DNAH14: variants seen among roughly 807,000 people sequenced by gnomAD.
DNAH14 encodes dynein axonemal heavy chain 14.
In DNAH14, 478 loss-of-function variants were observed where a neutral mutation model predicts 520.9. The ratio of observed to expected loss-of-function variants is 0.92; its 90% CI spans 0.85 to 0.99. The LOEUF (loss-of-function observed/expected upper bound fraction) is 0.99. Ranked by LOEUF, DNAH14 falls within the 50% of genes least tolerant of loss-of-function variation. DNAH14 has a pLI of 0.00. For synonymous variants in DNAH14, 1,581 were observed against 1,757.2 expected, an observed-to-expected ratio of 0.90 and a Z score of 2.51; for missense variants, 4,831 against 5,234.5, an observed-to-expected ratio of 0.92 and a Z score of 2.38.
intron 68 of DNAH14, 26 bp from the exon 69 acceptor site, chr1:225,340,431 A>G (rs1317999512): frequency 2.0e-6 from 3 of 1,503,998 alleles, no homozygotes; most frequent in Admixed American, 2.2e-5. Flanking sequence ...TGTTCTTTGA[A>G]TAACTGGTGC....
Position 225,159,495 on chromosome 1 carries a change from C to A in DNAH14, c.5445+10C>A. On this transcript the variant is annotated intron_variant, in intron 35 of 85. Transcript: ENST00000682510. ...TCAACTTGCCTTGGAGGTAAAAAGA[C>A]CTTTGAAAATCATCACCAATTATTT... The A allele has an allele frequency of 6.7e-7, 1 of 1,496,750 alleles. No individual in the cohort carries two copies. The highest frequency in any genetic ancestry group is 8.9e-7 in the Non-Finnish European group (1 of 1,124,216). 92.7% of individuals were successfully genotyped at this position (1,496,750 alleles called of 1,614,324 possible). A position where few individuals can be genotyped will look rare whatever the true frequency, so the allele number is the denominator to read the frequency against.
At chr1:225,107,166 T>C (rs2076130261) in intron 23 of DNAH14, among the ~76,000 whole-genome samples, 1 of 152,190 alleles carries the variant, frequency 6.6e-6, no homozygotes, top group Admixed American at 6.5e-5. Context: ...TGCCTGGGTA[T>C]CAGCAGCGGA....
chr1:225,243,469 T>C (rs1414164646), intron 43 of DNAH14, among the ~76,000 whole-genome samples: 4 of 151,960 alleles, frequency 2.6e-5, no homozygotes, highest in African/African-American at 7.2e-5. Flanking sequence ...GTTAAGGAAA[T>C]ATACCACCAA....
intron 49 of DNAH14, among the ~76,000 whole-genome samples, chr1:225,269,016 G>T: frequency 6.6e-6 from 1 of 152,134 alleles, no homozygotes; most frequent in Non-Finnish European, 1.5e-5. Flanking sequence ...AGCCTGCATT[G>T]CCAAGACAAT....
Position 225,159,502 on chromosome 1 carries a change from A to G in DNAH14, c.5445+17A>G. On this transcript the variant is annotated intron_variant, in intron 35 of 85. Coordinates refer to ENST00000682510, the MANE Select transcript of DNAH14 (RefSeq NM_001367479.1). ...GCCTTGGAGGTAAAAAGACCTTTGA[A>G]AATCATCACCAATTATTTGGATGTG... The G allele has an allele frequency of 6.7e-7, 1 of 1,495,136 alleles. No homozygotes were observed. Among genetic ancestry groups the G allele is most frequent in the South Asian group, 1.3e-5 (1 of 74,918 alleles). 92.6% of individuals were successfully genotyped at this position (1,495,136 alleles called of 1,614,324 possible). A position where few individuals can be genotyped will look rare whatever the true frequency, so the allele number is the denominator to read the frequency against.
chr1:225,382,721 A>T (rs1473717623), intron 81 of DNAH14, among the ~76,000 whole-genome samples: 2 of 152,134 alleles, frequency 1.3e-5, no homozygotes, highest in Admixed American at 6.5e-5. Context: ...CTCAAAAAAA[A>T]AAAAAGTCCA....
Position 225,338,047 on chromosome 1 carries a change from AT to A in DNAH14, c.10312-12del. 2 of 1,484,964 alleles carry A rather than the reference AT, an allele frequency of 1.3e-6. No homozygotes were observed. Among genetic ancestry groups the A allele is most frequent in the Middle Eastern group, 1.8e-4 (1 of 5,642 alleles). The allele number at this position is 1,484,964 out of a possible 1,614,324, so 92.0% of individuals were successfully genotyped here. A position where few individuals can be genotyped will look rare whatever the true frequency, so the allele number is the denominator to read the frequency against. ...AAGATGATTTTTCTTATTTTTGTCT[AT>A]TGGGTTTTTCAGAATCTCCTTGAGA... On this transcript the variant is annotated splice_polypyrimidine_tract_variant and intron_variant, in intron 67 of 85. Coordinates refer to ENST00000682510, the MANE Select transcript of DNAH14 (RefSeq NM_001367479.1).
chr1:225,240,484 A>C (rs1196900986), intron 42 of DNAH14, 109 bp from the exon 43 acceptor site: 2 of 679,358 alleles, frequency 2.9e-6, no homozygotes, highest in African/African-American at 1.8e-5. Flanking sequence ...ACCTAACTGC[A>C]TTACAATTTT....
intron 63 of DNAH14, 100 bp downstream of exon 63, chr1:225,324,453 A>T: frequency 7.1e-7 from 1 of 1,399,996 alleles, no homozygotes; most frequent in Non-Finnish European, 9.7e-7. Context: ...ACTTGAGTGG[A>T]AAGGATACCT....
chr1:225,163,223 A>G (rs866082558), intron 35 of DNAH14, among the ~76,000 whole-genome samples: 5 of 150,724 alleles, frequency 3.3e-5, no homozygotes, highest in Admixed American at 1.3e-4. Context: ...CTGCAACCTT[A>G]CCGAATTTGT....
At chr1:225,363,653 A>T (rs987798869) in intron 75 of DNAH14, among the ~76,000 whole-genome samples, 1 of 151,958 alleles carries the variant, frequency 6.6e-6, no homozygotes, top group Non-Finnish European at 1.5e-5. Flanking sequence ...TGGTTCCAGG[A>T]CCCCCTGTGG....
At chr1:224,941,295 CTT>C (rs1471342630) in intron 1 of DNAH14, among the ~76,000 whole-genome samples, 3 of 151,850 alleles carry the variant, frequency 2.0e-5, no homozygotes, top group African/African-American at 7.3e-5. Flanking sequence ...TTTCATGTGT[CTT>C]TTGGCTGCAT....
At chr1:225,134,902 C>T (rs763103592) in intron 27 of DNAH14, among the ~76,000 whole-genome samples, 8 of 152,186 alleles carry the variant, frequency 5.3e-5, no homozygotes, top group Admixed American at 2.0e-4. Flanking sequence ...AATTTCACAA[C>T]TCATTATTGG....
intron 84 of DNAH14, chr1:225,396,595 A>C (rs906137786): frequency 6.6e-6 from 1 of 152,160 alleles, no homozygotes; most frequent in Non-Finnish European, 1.5e-5. Context: ...CTTATGACTC[A>C]CAGAGGGAGC....
intron 56 of DNAH14, among the ~76,000 whole-genome samples, chr1:225,301,763 ATTAC>A (rs1159420334): frequency 6.6e-6 from 1 of 152,170 alleles, no homozygotes; most frequent in Non-Finnish European, 1.5e-5. Flanking sequence ...TAGTAACAAC[ATTAC>A]TAAGTATCAA....
intron 68 of DNAH14, among the ~76,000 whole-genome samples, chr1:225,339,141 CAAAA>C (rs5781399): frequency 7.6e-6 from 1 of 131,484 alleles, no homozygotes; most frequent in Non-Finnish European, 1.6e-5. Flanking sequence ...CAATGAAATA[CAAAA>C]AAAAAAAAAA....
chr1:225,224,116 T>G (rs2090313445), intron 41 of DNAH14, among the ~76,000 whole-genome samples: 1 of 152,070 alleles, frequency 6.6e-6, no homozygotes, highest in Non-Finnish European at 1.5e-5. Flanking sequence ...TTATCAGACA[T>G]TACTGGGTGA....
chr1:224,951,719 C>T (rs2060189081), intron 1 of DNAH14, among the ~76,000 whole-genome samples: 1 of 142,638 alleles, frequency 7.0e-6, no homozygotes, highest in Admixed American at 7.2e-5. Flanking sequence ...GGCACAATCT[C>T]GGCTCACTGC....
intron 10 of DNAH14, among the ~76,000 whole-genome samples, chr1:225,021,035 T>G (rs763942972): frequency 2.6e-5 from 4 of 152,142 alleles, no homozygotes; most frequent in Non-Finnish European, 4.4e-5. Context: ...TAATCAGAAT[T>G]AAAAACAAAT....
Sources: gnomAD v4.1 joint callset for allele counts (sites outside exome capture counted in the v4.1 genomes callset) on GRCh38, gnomAD v4.1.1 for gene constraint, MANE v1.5 for transcripts, NCBI Gene and HGNC (gene_info 2026-07-23, HGNC 2026-07-21) for gene names.